Variants in PDE4D observed in about 807,000 individuals in gnomAD.
PDE4D encodes the protein phosphodiesterase 4D, also known as 3',5'-cyclic-AMP phosphodiesterase 4D.
In PDE4D, 24 loss-of-function variants were observed where a neutral mutation model predicts 87.4. The observed-to-expected ratio is 0.27, with a 90% CI of 0.20 to 0.39. The LOEUF (loss-of-function observed/expected upper bound fraction) is 0.39. PDE4D is among the 10% of genes least tolerant of loss of function. The pLI is 1.00. For missense variants in PDE4D, 714 were observed against 1,041.0 expected (o/e 0.69, Z 4.32); for synonymous variants, 384 against 383.2 (o/e 1.00, Z -0.02).
chr5:60,377,193 A>G (rs1583570814), intron 1 of PDE4D, among the ~76,000 whole-genome samples: 1 of 152,176 alleles, frequency 6.6e-6, no homozygotes, highest in Non-Finnish European at 1.5e-5. Context: ...CTATTTCTGT[A>G]TTCCCCATTA....
chr5:59,904,339 C>G (rs1251626411), intron 3 of PDE4D, among the ~76,000 whole-genome samples: 1 of 152,182 alleles, frequency 6.6e-6, no homozygotes, highest in South Asian at 2.1e-4. Context: ...CAAACTAGAA[C>G]CAGGACCCCA....
intron 1 of PDE4D, among the ~76,000 whole-genome samples, chr5:59,471,423 A>G (rs967039441): frequency 2.0e-5 from 3 of 152,272 alleles, no homozygotes; most frequent in Non-Finnish European, 4.4e-5. Context: ...GTCAGGAGCT[A>G]GAAAACTTGG....
At chr5:60,225,303 C>G (rs376437744) in intron 1 of PDE4D, among the ~76,000 whole-genome samples, 1 of 151,866 alleles carries the variant, frequency 6.6e-6, no homozygotes, top group East Asian at 1.9e-4. Context: ...GTATTTATAC[C>G]AGGGCTTTAG....
chr5:60,004,350 C>A (rs1215207427), intron 2 of PDE4D, among the ~76,000 whole-genome samples: 1 of 152,122 alleles, frequency 6.6e-6, no homozygotes, highest in Non-Finnish European at 1.5e-5. Flanking sequence ...TCAAGTCCTG[C>A]ATATAAAATA....
intron 1 of PDE4D, among the ~76,000 whole-genome samples, chr5:60,390,847 A>T (rs1390380498): frequency 6.6e-6 from 1 of 152,058 alleles, no homozygotes; most frequent in East Asian, 1.9e-4. Flanking sequence ...TTTGCTTGGG[A>T]TAGAAAGTCA....
At chr5:59,209,916 G>A (rs1227727220) in intron 2 of PDE4D, among the ~76,000 whole-genome samples, 1 of 152,142 alleles carries the variant, frequency 6.6e-6, no homozygotes, top group African/African-American at 2.4e-5. Flanking sequence ...TGTTTTTCTT[G>A]AACATTTAAA....
intron 1 of PDE4D, among the ~76,000 whole-genome samples, chr5:60,248,685 A>C (rs376254035): frequency 1.3e-5 from 2 of 151,942 alleles, no homozygotes; most frequent in South Asian, 4.2e-4. Context: ...TTGTCTTATC[A>C]ATTTCTTATT....
At chr5:59,129,183 G>C (rs1412438170) in intron 5 of PDE4D, among the ~76,000 whole-genome samples, 1 of 152,190 alleles carries the variant, frequency 6.6e-6, no homozygotes, top group Non-Finnish European at 1.5e-5. Flanking sequence ...TTTGTTTTCA[G>C]TGAGTTTCAC....
At chr5:59,649,931 T>TTTTTTTTTTTTTTTTTTTTTTA (rs1474090994) in intron 1 of PDE4D, among the ~76,000 whole-genome samples, 1 of 141,262 alleles carries the variant, frequency 7.1e-6, no homozygotes, top group Admixed American at 7.3e-5. Flanking sequence ...TTTTTTTTTT[T>TTTTTTTTTTTTTTTTTTTTTTA]TAGCAATGAC....
At chr5:60,071,476 C>T (rs1348763992) in intron 2 of PDE4D, among the ~76,000 whole-genome samples, 1 of 152,004 alleles carries the variant, frequency 6.6e-6, no homozygotes, top group African/African-American at 2.4e-5. Context: ...GTCTTTTTCA[C>T]AAATATTATT....
At chr5:59,763,818 A>G (rs1762465395) in intron 1 of PDE4D, among the ~76,000 whole-genome samples, 1 of 152,214 alleles carries the variant, frequency 6.6e-6, no homozygotes, top group African/African-American at 2.4e-5. Context: ...AAGCAGAGAC[A>G]CAAGAGAATT....
intron 1 of PDE4D, among the ~76,000 whole-genome samples, chr5:60,255,059 G>A (rs1205067421): frequency 6.6e-6 from 1 of 151,866 alleles, no homozygotes; most frequent in Non-Finnish European, 1.5e-5. Flanking sequence ...CCCCGGCTCA[G>A]AAGTGTCATA....
chr5:60,464,567 C>G (rs577542589), intron 1 of PDE4D, among the ~76,000 whole-genome samples: 1 of 152,146 alleles, frequency 6.6e-6, no homozygotes, highest in African/African-American at 2.4e-5. Context: ...ATTCAGTGCA[C>G]TGATTGTTGC....
chr5:59,854,967 G>C (rs537405238), intron 1 of PDE4D, among the ~76,000 whole-genome samples: 2 of 152,212 alleles, frequency 1.3e-5, no homozygotes, highest in African/African-American at 4.8e-5. Context: ...CTGTTTCAAA[G>C]ATGAGAAAGG....
intron 1 of PDE4D, among the ~76,000 whole-genome samples, chr5:59,383,709 G>A (rs1473685785): frequency 4.6e-5 from 7 of 151,896 alleles, no homozygotes; most frequent in African/African-American, 1.7e-4. Context: ...ATACACATAT[G>A]AAAAAACCAA....
chr5:60,302,295 T>C (rs1562302884), intron 1 of PDE4D, among the ~76,000 whole-genome samples: 1 of 152,204 alleles, frequency 6.6e-6, no homozygotes. Flanking sequence ...ATCCATCTAG[T>C]CCAGGGCTTT....
chr5:59,357,796 G>C (rs1582140349), intron 1 of PDE4D, among the ~76,000 whole-genome samples: 2 of 152,322 alleles, frequency 1.3e-5, no homozygotes. Context: ...GGACCCTAGT[G>C]CCGTCATCGG....
At chr5:59,649,932 T>TTTTTTTTTTTTTTTTTTTTTTTA (rs1219411329) in intron 1 of PDE4D, among the ~76,000 whole-genome samples, 1 of 141,836 alleles carries the variant, frequency 7.1e-6, no homozygotes, top group East Asian at 2.0e-4. Context: ...TTTTTTTTTT[T>TTTTTTTTTTTTTTTTTTTTTTTA]AGCAATGACC....
At chr5:59,043,670 A>AG (rs1267800543) in intron 5 of PDE4D, among the ~76,000 whole-genome samples, 5 of 152,080 alleles carry the variant, frequency 3.3e-5, no homozygotes, top group Non-Finnish European at 7.4e-5. Context: ...CTCCTCATTT[A>AG]CATTAGGTAT....
Sources: gnomAD v4.1 joint callset for allele counts (sites outside exome capture counted in the v4.1 genomes callset) on GRCh38, gnomAD v4.1.1 for gene constraint, MANE v1.5 for transcripts, NCBI Gene and HGNC (gene_info 2026-07-23, HGNC 2026-07-21) for gene names.